Variants in GRIK1 observed in about 807,000 individuals in gnomAD.
GRIK1 encodes glutamate ionotropic receptor kainate type subunit 1.
Under a neutral mutation model 105.7 loss-of-function variants are expected in GRIK1, and 69 were observed. That is an observed-to-expected ratio of 0.65 (90% CI 0.54 to 0.80). GRIK1 has a LOEUF of 0.80. Among genes scored for constraint, GRIK1 ranks in the 30% least tolerant of loss-of-function variants. GRIK1 has a pLI of 0.00. For synonymous variants in GRIK1, 438 were observed against 431.3 expected (o/e 1.02, Z -0.19); for missense variants, 1,109 against 1,167.3 (o/e 0.95, Z 0.73).
intron 1 of GRIK1, among the ~76,000 whole-genome samples, chr21:29,909,904 TAA>T (rs2070758525): frequency 6.6e-6 from 1 of 152,162 alleles, no homozygotes; most frequent in Non-Finnish European, 1.5e-5. Context: ...CAGGGATGAA[TAA>T]TTTTAAAAGA....
chr21:29,671,942 G>A (rs1474397329), intron 4 of GRIK1, among the ~76,000 whole-genome samples: 1 of 151,994 alleles, frequency 6.6e-6, no homozygotes, highest in South Asian at 2.1e-4. Context: ...AGAGTGCCCT[G>A]TTCCAAATAT....
At chr21:29,665,051 A>T (rs577020351) in intron 4 of GRIK1, among the ~76,000 whole-genome samples, 24 of 152,344 alleles carry the variant, frequency 1.6e-4, no homozygotes, top group African/African-American at 5.8e-4. Context: ...TATAGTCAAA[A>T]GTTGATATAA....
intron 1 of GRIK1, among the ~76,000 whole-genome samples, chr21:29,700,890 G>GA (rs2063799873): frequency 6.6e-6 from 1 of 151,858 alleles, no homozygotes; most frequent in African/African-American, 2.4e-5. Flanking sequence ...TTTAATGATG[G>GA]AAAAAACAAA....
intron 1 of GRIK1, among the ~76,000 whole-genome samples, chr21:29,916,464 A>G (rs1017941982): frequency 3.3e-5 from 5 of 152,010 alleles, no homozygotes; most frequent in African/African-American, 1.2e-4. Context: ...AAATCTATGT[A>G]GCAAGTCATT....
chr21:29,538,454 A>G (rs1012630070), intron 16 of GRIK1, among the ~76,000 whole-genome samples: 2 of 152,150 alleles, frequency 1.3e-5, no homozygotes, highest in Non-Finnish European at 2.9e-5. Flanking sequence ...AGGGGATATA[A>G]GGTTTCAATT....
chr21:29,618,795 A>G (rs1035663411), intron 7 of GRIK1, among the ~76,000 whole-genome samples: 1 of 152,206 alleles, frequency 6.6e-6, no homozygotes, highest in Admixed American at 6.5e-5. Context: ...GTTCTCACTC[A>G]TAAATGGGAG....
intron 1 of GRIK1, among the ~76,000 whole-genome samples, chr21:29,885,362 T>C (rs999995782): frequency 1.3e-5 from 2 of 152,204 alleles, no homozygotes; most frequent in African/African-American, 4.8e-5. Context: ...CTGACCTAGC[T>C]GTAGTTGGTT....
intron 5 of GRIK1, 71 bp downstream of exon 5, chr21:29,654,739 G>T (rs1406960098): frequency 1.1e-6 from 1 of 885,068 alleles, no homozygotes; most frequent in African/African-American, 1.6e-5. Context: ...ACACTGGTGA[G>T]GCCGACTCTG....
intron 7 of GRIK1, among the ~76,000 whole-genome samples, chr21:29,603,352 ACTT>A (rs2061554267): frequency 6.6e-6 from 1 of 151,970 alleles, no homozygotes; most frequent in Non-Finnish European, 1.5e-5. Flanking sequence ...AAAAAGAAAT[ACTT>A]CTTCAGATCC....
intron 1 of GRIK1, among the ~76,000 whole-genome samples, chr21:29,770,250 G>A (rs995745764): frequency 6.6e-6 from 1 of 152,190 alleles, no homozygotes; most frequent in Non-Finnish European, 1.5e-5. Context: ...GTCACCCATC[G>A]TGCTCAGCTT....
intron 1 of GRIK1, among the ~76,000 whole-genome samples, chr21:29,924,669 T>TTTG (rs1238143229): frequency 6.6e-6 from 1 of 152,254 alleles, no homozygotes; most frequent in Non-Finnish European, 1.5e-5. Flanking sequence ...TTTTTTGTTT[T>TTTG]TTTCACCTTT....
At chr21:29,752,791 C>A (rs537257330) in intron 1 of GRIK1, among the ~76,000 whole-genome samples, 2 of 152,166 alleles carry the variant, frequency 1.3e-5, no homozygotes, top group East Asian at 3.8e-4. Flanking sequence ...GAACTAGGAT[C>A]GTGCCACTGC....
intron 1 of GRIK1, among the ~76,000 whole-genome samples, chr21:29,885,021 A>G (rs2069559024): frequency 1.3e-5 from 2 of 152,200 alleles, no homozygotes; most frequent in Admixed American, 1.3e-4. Flanking sequence ...AAAAATCTCC[A>G]TATTTTAGGT....
intron 1 of GRIK1, among the ~76,000 whole-genome samples, chr21:29,831,836 C>T (rs1485550756): frequency 1.3e-5 from 2 of 152,126 alleles, no homozygotes; most frequent in Non-Finnish European, 2.9e-5. Flanking sequence ...ATCATCCCAT[C>T]CCAACAGTTC....
At chr21:29,711,299 A>G (rs1396878800) in intron 1 of GRIK1, among the ~76,000 whole-genome samples, 1 of 152,186 alleles carries the variant, frequency 6.6e-6, no homozygotes, top group Non-Finnish European at 1.5e-5. Context: ...CCATTGTGTT[A>G]CAGTTGCTAA....
At chr21:29,689,154 T>C (rs2063538004) in intron 3 of GRIK1, among the ~76,000 whole-genome samples, 2 of 151,886 alleles carry the variant, frequency 1.3e-5, no homozygotes, top group Non-Finnish European at 2.9e-5. Context: ...GGGTCAGAGA[T>C]AGTGGCTGAT....
rs190913101 is a variant in GRIK1, at chr21:29,860,424, A to C, written c.118+78959T>G. Reference sequence around the variant, plus strand: ...AGTCCAGAAGACAGAAATTTTGACAAATAGGGAACTCATCTGCCTCTCTCA... The same window carrying C: ...AGTCCAGAAGACAGAAATTTTGACACATAGGGAACTCATCTGCCTCTCTCA... On this transcript the variant is annotated intron_variant, in intron 1 of 17. Transcript: ENST00000327783. 1.3e-4 allele frequency among the ~76,000 whole-genome samples: 20 copies of C among 152,280 alleles called. No individual in the cohort carries two copies. The East Asian group carries it at 3.7e-3, about 28-fold the overall frequency.
Position 29,544,327 on chromosome 21 carries a change from C to G in GRIK1, c.2608-6443G>C, listed in dbSNP as rs542971140. Among the ~76,000 whole-genome samples the G allele has an allele frequency of 4.3e-3, 653 of 152,266 alleles. 2 individuals carry two copies. The highest frequency in any genetic ancestry group is 0.015 in the African/African-American group (607 of 41,542). On this transcript the variant is annotated intron_variant, in intron 16 of 17. Transcript: ENST00000327783. ...AAAAAATGATCCTTAAAAAATTTTG[C>G]ACATGGGGTGGCCACGCAGGGCTAC...
intron 1 of GRIK1, among the ~76,000 whole-genome samples, chr21:29,897,014 A>T (rs980671798): frequency 1.3e-5 from 2 of 152,112 alleles, no homozygotes; most frequent in Non-Finnish European, 2.9e-5. Context: ...AACCTAAAAA[A>T]CTCAAATTTC....
Sources: allele counts gnomAD v4.1 joint callset (sites outside exome capture counted in the v4.1 genomes callset), GRCh38; gene constraint gnomAD v4.1.1; transcripts MANE v1.5; gene names NCBI Gene and HGNC (gene_info 2026-07-23, HGNC 2026-07-21).